VPS13B: variants seen among roughly 807,000 people sequenced by gnomAD.
VPS13B encodes the protein intermembrane lipid transfer protein VPS13B.
In VPS13B, 285 loss-of-function variants were observed where a neutral mutation model predicts 426.4. The observed-to-expected ratio is 0.67, with a 90% confidence interval of 0.61 to 0.74. The LOEUF (loss-of-function observed/expected upper bound fraction) is 0.74. VPS13B is among the 30% of genes least tolerant of loss of function. The pLI, the probability that VPS13B is intolerant of heterozygous loss-of-function variation, is 0.00. For synonymous variants in VPS13B, 1,676 were observed against 1,676.4 expected, an observed-to-expected ratio of 1.00 and a Z score of 0.01; for missense variants, 4,537 against 4,782.6, an observed-to-expected ratio of 0.95 and a Z score of 1.51.
chr8:99,619,677 G>T (rs1828267355), intron 33 of VPS13B, among the ~76,000 whole-genome samples: 1 of 152,096 alleles, frequency 6.6e-6, no homozygotes, highest in Non-Finnish European at 1.5e-5. Context: ...TTTGAGACCA[G>T]CCTGGGCAAT....
At chr8:99,353,196 C>T (rs1359121228) in intron 19 of VPS13B, among the ~76,000 whole-genome samples, 1 of 152,050 alleles carries the variant, frequency 6.6e-6, no homozygotes, top group Non-Finnish European at 1.5e-5. Context: ...GTTGGCCAGG[C>T]TGTTTTTGAA....
At chr8:99,060,341 G>C (rs1844113753) in intron 3 of VPS13B, among the ~76,000 whole-genome samples, 1 of 152,124 alleles carries the variant, frequency 6.6e-6, no homozygotes, top group Non-Finnish European at 1.5e-5. Context: ...AGGCGTGGTG[G>C]TTCACCCATG....
chr8:99,858,311 A>C (rs1009681098), intron 56 of VPS13B, among the ~76,000 whole-genome samples: 8 of 152,236 alleles, frequency 5.3e-5, no homozygotes, highest in African/African-American at 1.9e-4. Flanking sequence ...AGTGCCTGCC[A>C]GACTCCACGC....
At chr8:99,628,456 C>T (rs1828704892) in intron 33 of VPS13B, among the ~76,000 whole-genome samples, 1 of 152,208 alleles carries the variant, frequency 6.6e-6, no homozygotes, top group African/African-American at 2.4e-5. Context: ...CTCCTCTACT[C>T]CTGCCTCCTG....
chr8:99,125,163 T>G (rs1333084456), intron 8 of VPS13B, among the ~76,000 whole-genome samples: 1 of 151,874 alleles, frequency 6.6e-6, no homozygotes, highest in Non-Finnish European at 1.5e-5. Context: ...TCAGTCGGAG[T>G]CCCAAAACCT....
At chr8:99,234,631 A>T (rs1816541754) in intron 17 of VPS13B, among the ~76,000 whole-genome samples, 1 of 152,220 alleles carries the variant, frequency 6.6e-6, no homozygotes, top group Non-Finnish European at 1.5e-5. Flanking sequence ...TACATTATTA[A>T]CTTTATGAAA....
chr8:99,043,058 A>G (rs1843046107), intron 3 of VPS13B, among the ~76,000 whole-genome samples: 1 of 152,128 alleles, frequency 6.6e-6, no homozygotes, highest in Non-Finnish European at 1.5e-5. Context: ...GCTTTCTTTG[A>G]TTGGACACCA....
At chr8:99,790,642 A>T (rs1270755987) in intron 43 of VPS13B, among the ~76,000 whole-genome samples, 1 of 152,198 alleles carries the variant, frequency 6.6e-6, no homozygotes, top group Non-Finnish European at 1.5e-5. Flanking sequence ...CTGGATATGA[A>T]CAAAGTCTTA....
At chr8:99,643,085 G>A (rs926091748) in intron 34 of VPS13B, among the ~76,000 whole-genome samples, 39 of 151,966 alleles carry the variant, frequency 2.6e-4, no homozygotes, top group African/African-American at 9.2e-4. Context: ...TGAAACTTCC[G>A]AAGCTTTTTG....
chr8:99,521,301 A>G (rs1822369847), intron 30 of VPS13B, among the ~76,000 whole-genome samples: 1 of 152,206 alleles, frequency 6.6e-6, no homozygotes, highest in South Asian at 2.1e-4. Context: ...CCAAATCTCT[A>G]ATCACATAAG....
chr8:99,777,515 C>T (rs971665460), intron 41 of VPS13B, among the ~76,000 whole-genome samples: 4 of 152,096 alleles, frequency 2.6e-5, no homozygotes, highest in Non-Finnish European at 4.4e-5. Flanking sequence ...CCCACTGATT[C>T]GATTATCTCC....
rs143077513 is a variant in VPS13B at position 99,116,910 on chromosome 8, C to A, written c.937+1036C>A. Among the ~76,000 whole-genome samples, 55 of 152,232 alleles carry A rather than the reference C, an allele frequency of 3.6e-4. No homozygotes were observed. The East Asian group carries it at 0.01, about 28-fold the overall frequency. On this transcript the variant is annotated intron_variant, in intron 7 of 61. Transcript: ENST00000357162. Reference sequence around the variant, plus strand: ...ATGTAATGTGGGAAAATACAGAAATCATTTTGATGTATTTCTTTCCCTTAG... The same window carrying A: ...ATGTAATGTGGGAAAATACAGAAATAATTTTGATGTATTTCTTTCCCTTAG...
At chr8:99,155,088 A>C (rs1045485978) in intron 14 of VPS13B, among the ~76,000 whole-genome samples, 1 of 152,040 alleles carries the variant, frequency 6.6e-6, no homozygotes, top group Non-Finnish European at 1.5e-5. Flanking sequence ...AAAAGCACCA[A>C]ATTAAATTGT....
intron 16 of VPS13B, among the ~76,000 whole-genome samples, chr8:99,186,357 G>C (rs1318939832): frequency 6.6e-6 from 1 of 151,884 alleles, no homozygotes. Flanking sequence ...CATTTTTATT[G>C]ACACTTTAAT....
chr8:99,807,853 A>G (rs940824327), intron 43 of VPS13B, among the ~76,000 whole-genome samples: 1 of 151,316 alleles, frequency 6.6e-6, no homozygotes, highest in Non-Finnish European at 1.5e-5. Context: ...GGAGATTTTT[A>G]AAAATAATGT....
At position 99,335,778 on chromosome 8, in the gene VPS13B, A is replaced by T. The variant is rs563732623; in HGVS notation, c.2825-48430A>T. Among the ~76,000 whole-genome samples the T allele has an allele frequency of 1.2e-4, 18 of 152,314 alleles. No homozygotes were observed. In the South Asian group the frequency reaches 3.7e-3, roughly 32 times the overall value. The stretch of plus-strand genomic sequence containing the variant: ...TCCCACTCACAATTGCTTCAAAGAG[A>T]ATAAAATACCTAGGAATCCAACTTA... On this transcript the variant is annotated intron_variant, in intron 19 of 61. Coordinates refer to ENST00000357162, the MANE Select transcript of VPS13B (RefSeq NM_152564.5).
intron 33 of VPS13B, among the ~76,000 whole-genome samples, chr8:99,578,635 G>A (rs934321160): frequency 1.3e-5 from 2 of 151,652 alleles, no homozygotes; most frequent in African/African-American, 4.8e-5. Flanking sequence ...TATACATTAG[G>A]GAATCCATAA....
At chr8:99,103,225 A>G (rs1345894016) in intron 5 of VPS13B, 105 bp downstream of exon 5, 6 of 1,320,652 alleles carry the variant, frequency 4.5e-6, no homozygotes, top group Non-Finnish European at 6.5e-6. Flanking sequence ...ATGTTATCAA[A>G]TCTTCATGCC....
At chr8:99,405,315 G>A (rs942724663) in intron 21 of VPS13B, among the ~76,000 whole-genome samples, 1 of 151,860 alleles carries the variant, frequency 6.6e-6, no homozygotes, top group Non-Finnish European at 1.5e-5. Flanking sequence ...ACCTTTCCCC[G>A]AACCTTCATT....
Sources: allele counts gnomAD v4.1 joint callset (sites outside exome capture counted in the v4.1 genomes callset), GRCh38; gene constraint gnomAD v4.1.1; transcripts MANE v1.5; gene names NCBI Gene and HGNC (gene_info 2026-07-23, HGNC 2026-07-21).